The following RIMS2 variants were observed in gnomAD, a reference collection of about 807,000 sequenced individuals.
RIMS2 encodes the protein regulating synaptic membrane exocytosis protein 2.
Under a neutral mutation model 174.4 loss-of-function variants are expected in RIMS2, and 59 were observed. That is an observed-to-expected ratio of 0.34 (90% CI 0.27 to 0.42). The LOEUF (loss-of-function observed/expected upper bound fraction) is 0.42. RIMS2 is among the 10% of genes least tolerant of loss of function. The probability of loss-of-function intolerance (pLI) is 1.00; values close to 1 mark genes in which losing one functional copy is unlikely to be tolerated. For missense variants in RIMS2, 1,620 were observed against 1,666.3 expected, an observed-to-expected ratio of 0.97 and a Z score of 0.48; for synonymous variants, 606 against 572.5, an observed-to-expected ratio of 1.06 and a Z score of -0.84.
At chr8:104,023,471 C>T (rs1393379707) in intron 19 of RIMS2, among the ~76,000 whole-genome samples, 1 of 151,790 alleles carries the variant, frequency 6.6e-6, no homozygotes, top group Non-Finnish European at 1.5e-5. Context: ...GAAGATAGAG[C>T]CAACAAAATT....
intron 1 of RIMS2, among the ~76,000 whole-genome samples, chr8:103,586,570 A>G (rs566182006): frequency 3.9e-5 from 6 of 152,304 alleles, no homozygotes; most frequent in Non-Finnish European, 5.9e-5. Context: ...AACACAATGT[A>G]CCAAAACCTT....
At chr8:103,828,005 T>C (rs971646387) in intron 3 of RIMS2, among the ~76,000 whole-genome samples, 7 of 152,228 alleles carry the variant, frequency 4.6e-5, no homozygotes, top group Non-Finnish European at 7.3e-5. Flanking sequence ...TTTATTAGTT[T>C]AGCTTTTGAA....
At chr8:103,777,296 AAAC>A (rs1280605442) in intron 3 of RIMS2, among the ~76,000 whole-genome samples, 1 of 152,040 alleles carries the variant, frequency 6.6e-6, no homozygotes, top group Non-Finnish European at 1.5e-5. Flanking sequence ...GAGACCTTAC[AAAC>A]AGAGTTACGG....
intron 19 of RIMS2, among the ~76,000 whole-genome samples, chr8:104,148,353 T>C (rs1262285029): frequency 6.6e-6 from 1 of 152,152 alleles, no homozygotes; most frequent in Non-Finnish European, 1.5e-5. Flanking sequence ...TTTTTTCCTG[T>C]GATCATGCAA....
intron 15 of RIMS2, 97 bp from the exon 18 acceptor site, chr8:103,975,253 T>C (rs1345830424): frequency 5.7e-6 from 4 of 704,530 alleles, no homozygotes; most frequent in Non-Finnish European, 9.3e-6. Context: ...TAGAAGTCTT[T>C]AAATTTCACC....
intron 19 of RIMS2, among the ~76,000 whole-genome samples, chr8:104,097,917 A>G (rs978765940): frequency 2.0e-5 from 3 of 152,164 alleles, no homozygotes; most frequent in Non-Finnish European, 4.4e-5. Context: ...ACACCAACCT[A>G]ATATGAAGGA....
chr8:103,595,912 T>G (rs773967003), intron 1 of RIMS2, among the ~76,000 whole-genome samples: 30 of 151,994 alleles, frequency 2.0e-4, no homozygotes, highest in Non-Finnish European at 3.8e-4. Flanking sequence ...TTGTTCTTGT[T>G]TTTGGTAACT....
chr8:103,557,109 G>A (rs1432070813), intron 1 of RIMS2, among the ~76,000 whole-genome samples: 2 of 152,194 alleles, frequency 1.3e-5, no homozygotes, highest in Non-Finnish European at 2.9e-5. Flanking sequence ...ATGAAAAAAT[G>A]TATGTAAAGT....
chr8:103,676,412 TA>T (rs1751132460), intron 1 of RIMS2, among the ~76,000 whole-genome samples: 1 of 152,178 alleles, frequency 6.6e-6, no homozygotes, highest in Non-Finnish European at 1.5e-5. Context: ...GTATAGCTCT[TA>T]AAAAGAAGCA....
chr8:103,601,230 C>T (rs2094721677), intron 1 of RIMS2, among the ~76,000 whole-genome samples: 1 of 152,082 alleles, frequency 6.6e-6, no homozygotes, highest in African/African-American at 2.4e-5. Flanking sequence ...TCCCATTTGT[C>T]CATTTTTGCT....
At chr8:103,942,013 G>C (rs566693010) in intron 13 of RIMS2, among the ~76,000 whole-genome samples, 1 of 152,112 alleles carries the variant, frequency 6.6e-6, no homozygotes, top group Non-Finnish European at 1.5e-5. Context: ...TAACTTTTAA[G>C]TTCAGGGATA....
At chr8:103,885,718 G>T (rs531314099) in exon 4 of RIMS2, 1 of 1,612,952 alleles carries the variant, frequency 6.2e-7, no homozygotes, top group African/African-American at 1.3e-5. Context: ...ATGTTTCTTT[G>T]GCAAATGCTG....
intron 3 of RIMS2, among the ~76,000 whole-genome samples, chr8:103,825,661 A>G (rs1183141455): frequency 1.3e-5 from 2 of 151,880 alleles, no homozygotes; most frequent in East Asian, 3.9e-4. Context: ...GCTGAATAAT[A>G]TTTCTTTTTA....
At chr8:104,213,770 A>T (rs1459007942) in intron 19 of RIMS2, among the ~76,000 whole-genome samples, 1 of 144,936 alleles carries the variant, frequency 6.9e-6, no homozygotes, top group East Asian at 2.1e-4. Context: ...CCTGCTACTC[A>T]GGAGGCTGAG....
intron 3 of RIMS2, among the ~76,000 whole-genome samples, chr8:103,839,285 C>CA (rs2098925153): frequency 1.3e-5 from 2 of 152,156 alleles, no homozygotes; most frequent in Non-Finnish European, 2.9e-5. Flanking sequence ...TGCCTTGTAA[C>CA]ATTGTCTTGC....
At chr8:104,212,233 G>T (rs1007210671) in intron 19 of RIMS2, among the ~76,000 whole-genome samples, 3 of 152,246 alleles carry the variant, frequency 2.0e-5, no homozygotes, top group African/African-American at 7.2e-5. Context: ...TTTAAAACTG[G>T]AAATGAAATT....
intron 1 of RIMS2, among the ~76,000 whole-genome samples, chr8:103,655,814 G>A (rs1222007192): frequency 6.6e-6 from 1 of 152,078 alleles, no homozygotes; most frequent in Non-Finnish European, 1.5e-5. Context: ...TCCAGAGGTA[G>A]GACTCAGATA....
chr8:104,159,705 A>G (rs936603235), intron 19 of RIMS2, among the ~76,000 whole-genome samples: 12 of 152,182 alleles, frequency 7.9e-5, no homozygotes, highest in African/African-American at 1.2e-4. Context: ...TCATATGCTC[A>G]TAGATCATTT....
chr8:104,155,966 A>G (rs536481105), intron 19 of RIMS2, among the ~76,000 whole-genome samples: 23 of 152,280 alleles, frequency 1.5e-4, no homozygotes, highest in Non-Finnish European at 2.8e-4. Flanking sequence ...AAGAAACCTT[A>G]CCCTAGGTTT....
Sources: gnomAD v4.1 joint callset for allele counts (sites outside exome capture counted in the v4.1 genomes callset) on GRCh38, gnomAD v4.1.1 for gene constraint, MANE v1.5 for transcripts, NCBI Gene and HGNC (gene_info 2026-07-23, HGNC 2026-07-21) for gene names.